Variants in THEMIS observed in about 807,000 individuals in gnomAD.
The protein encoded by THEMIS is protein THEMIS.
A neutral mutation model predicts 52.6 loss-of-function variants in THEMIS; 37 were observed. That is an observed-to-expected ratio of 0.70 (90% CI 0.54 to 0.93). The LOEUF is 0.93. Ranked by LOEUF, THEMIS falls within the 40% of genes least tolerant of loss-of-function variation. The probability of loss-of-function intolerance (pLI) is 0.00; values close to 1 mark genes in which losing one functional copy is unlikely to be tolerated. For synonymous variants in THEMIS, 292 were observed against 272.7 expected (o/e 1.07, Z -0.70); for missense variants, 808 against 763.1 (o/e 1.06, Z -0.69).
intron 4 of THEMIS, among the ~76,000 whole-genome samples, chr6:127,720,943 C>G (rs1774341423): frequency 6.6e-6 from 1 of 151,898 alleles, no homozygotes; most frequent in Admixed American, 6.6e-5. Context: ...ATCTCTGTAT[C>G]CATGTCCTTT....
intron 4 of THEMIS, among the ~76,000 whole-genome samples, chr6:127,806,687 C>T (rs1415843174): frequency 6.6e-6 from 1 of 152,206 alleles, no homozygotes; most frequent in Non-Finnish European, 1.5e-5. Flanking sequence ...AATTCCTTTT[C>T]ATTTAAAACT....
rs1336588021 is a variant in THEMIS, at chr6:127,708,328, T to C, written c.*1657A>G. ...AAAGGACTTATATTTAGAAATGTTA[T>C]ATATGATTTCTATTAGAAAGCCCTT... On this transcript the variant is annotated 3_prime_UTR_variant, in exon 6 of 6. Transcript: ENST00000368248. 6.6e-6 allele frequency: 1 copy of C among 152,148 alleles called. No homozygotes were observed. Among genetic ancestry groups the C allele is most frequent in the Non-Finnish European group, 1.5e-5 (1 of 68,008 alleles). The allele number at this position is 152,148 out of a possible 1,614,324, so 9.4% of individuals were successfully genotyped here. A position where few individuals can be genotyped will look rare whatever the true frequency, so the allele number is the denominator to read the frequency against.
At chr6:127,917,139 T>C (rs1260202552) in intron 1 of THEMIS, among the ~76,000 whole-genome samples, 2 of 152,210 alleles carry the variant, frequency 1.3e-5, no homozygotes, top group Admixed American at 6.5e-5. Context: ...GACAAAGTAC[T>C]GGATTATTCA....
chr6:127,813,185 T>G lies in THEMIS; in HGVS notation c.1456A>C (p.Thr486Pro), dbSNP rs780029653. 31 of 1,613,976 alleles carry G rather than the reference T, an allele frequency of 1.9e-5. No individual in the cohort carries two copies. The highest frequency in any genetic ancestry group is 2.5e-5 in the Non-Finnish European group (30 of 1,180,020). Reference protein sequence around the residue: ...TPGLQLEEDITDSYLLISDFA... With the variant: ...TPGLQLEEDIPDSYLLISDFA... ...TCACTTATGAGTAGGTAAGAGTCTG[T>G]AATGTCCTCCTCCAACTGCAGTCCT... The change falls in exon 4 of 6, where the codon ACA becomes CCA. Residue 486 changes from threonine to proline, a missense_variant. By Grantham distance (38) the Thr-to-Pro change is conservative. Transcript: ENST00000368248.
At chr6:127,831,656 G>T (rs963030179) in intron 2 of THEMIS, among the ~76,000 whole-genome samples, 2 of 152,012 alleles carry the variant, frequency 1.3e-5, no homozygotes, top group Non-Finnish European at 2.9e-5. Context: ...ACAAACAAAA[G>T]GAATTTTGGT....
chr6:127,746,976 T>G (rs1421316466), intron 4 of THEMIS, among the ~76,000 whole-genome samples: 1 of 83,054 alleles, frequency 1.2e-5, no homozygotes, highest in Non-Finnish European at 2.0e-5. Flanking sequence ...ATAATTATAT[T>G]ATATATAATT....
chr6:127,724,840 TC>T (rs1774484935), intron 4 of THEMIS, among the ~76,000 whole-genome samples: 1 of 152,022 alleles, frequency 6.6e-6, no homozygotes, highest in Non-Finnish European at 1.5e-5. Flanking sequence ...AACCAAGATG[TC>T]CACAAAAAAA....
chr6:127,732,705 T>C (rs1774853770), intron 4 of THEMIS, among the ~76,000 whole-genome samples: 1 of 152,230 alleles, frequency 6.6e-6, no homozygotes. Flanking sequence ...CATCATTCCA[T>C]TGTATGGATA....
chr6:127,858,933 T>C (rs1779707288), intron 1 of THEMIS, among the ~76,000 whole-genome samples: 1 of 152,132 alleles, frequency 6.6e-6, no homozygotes, highest in Admixed American at 6.6e-5. Flanking sequence ...ACCTTTTCTG[T>C]AATGCTACTT....
intron 1 of THEMIS, among the ~76,000 whole-genome samples, chr6:127,895,302 G>T (rs1780930620): frequency 6.6e-6 from 1 of 151,288 alleles, no homozygotes; most frequent in Admixed American, 6.6e-5. Context: ...TAATACTGAA[G>T]GCTCTAGCCT....
At chr6:127,905,307 C>G (rs181756121), upstream of THEMIS, among the ~76,000 whole-genome samples, 6 of 152,026 alleles carry the variant, frequency 3.9e-5, no homozygotes, top group Admixed American at 3.9e-4. Context: ...AGCTGACTTA[C>G]TAACAAAAAC....
the THEMIS span, among the ~76,000 whole-genome samples, chr6:127,702,393 G>T: frequency 2.6e-5 from 4 of 152,066 alleles, no homozygotes; most frequent in Non-Finnish European, 5.9e-5. Context: ...TTCCTGGAAA[G>T]GTCTCAGACA....
chr6:127,803,187 A>G (rs373192686), intron 4 of THEMIS, among the ~76,000 whole-genome samples: 1 of 152,138 alleles, frequency 6.6e-6, no homozygotes, highest in African/African-American at 2.4e-5. Context: ...TCTATGCTAT[A>G]ATTAGAATAT....
chr6:127,883,316 T>G (rs944222543), intron 1 of THEMIS, among the ~76,000 whole-genome samples: 1 of 151,814 alleles, frequency 6.6e-6, no homozygotes, highest in Non-Finnish European at 1.5e-5. Context: ...GTTGGTGATA[T>G]GACAAACAGG....
chr6:127,787,727 A>C (rs1261918189), intron 4 of THEMIS, among the ~76,000 whole-genome samples: 1 of 152,172 alleles, frequency 6.6e-6, no homozygotes, highest in Non-Finnish European at 1.5e-5. Flanking sequence ...TAATAAAGGA[A>C]TGACATCTGT....
chr6:127,698,729 T>C, the THEMIS span, among the ~76,000 whole-genome samples: 1 of 152,088 alleles, frequency 6.6e-6, no homozygotes, highest in Non-Finnish European at 1.5e-5. Context: ...ACAAAATTCC[T>C]AATGGGTAGA....
chr6:127,803,221 A>G (rs1777594127), intron 4 of THEMIS, among the ~76,000 whole-genome samples: 1 of 152,096 alleles, frequency 6.6e-6, no homozygotes, highest in Non-Finnish European at 1.5e-5. Context: ...TTCAGGTATG[A>G]TTGATGATTT....
intron 4 of THEMIS, among the ~76,000 whole-genome samples, chr6:127,753,948 G>T (rs1471515530): frequency 6.6e-6 from 1 of 151,794 alleles, no homozygotes; most frequent in South Asian, 2.1e-4. Flanking sequence ...ATAATATAGA[G>T]GCCAGAAGAA....
intron 4 of THEMIS, among the ~76,000 whole-genome samples, chr6:127,775,049 A>G (rs1317470612): frequency 1.3e-5 from 2 of 152,206 alleles, no homozygotes; most frequent in Admixed American, 6.5e-5. Flanking sequence ...TCTGAGATCC[A>G]GTAGGAACAA....
Sources: allele counts gnomAD v4.1 joint callset (sites outside exome capture counted in the v4.1 genomes callset), GRCh38; gene constraint gnomAD v4.1.1; transcripts MANE v1.5; gene names NCBI Gene and HGNC (gene_info 2026-07-23, HGNC 2026-07-21).